The following CMSS1 variants were observed in gnomAD, a reference collection of about 807,000 sequenced individuals.
CMSS1 encodes protein CMSS1.
CMSS1 carries 33 observed loss-of-function variants against 43.5 expected under a neutral mutation model. That is an observed-to-expected ratio of 0.76 (90% CI 0.57 to 1.01). CMSS1 has a LOEUF of 1.01. Among genes scored for constraint, CMSS1 ranks in the 50% least tolerant of loss-of-function variants. The probability of loss-of-function intolerance (pLI) is 0.00; values close to 1 mark genes in which losing one functional copy is unlikely to be tolerated. For missense variants in CMSS1, 313 were observed against 326.4 expected (o/e 0.96, Z 0.32); for synonymous variants, 115 against 117.2 (o/e 0.98, Z 0.12).
intron 1 of CMSS1, chr3:99,850,057 A>G (rs966744961): frequency 2.5e-6 from 4 of 1,611,922 alleles, no homozygotes; most frequent in Admixed American, 1.7e-5. Context: ...AGTTTCCTCA[A>G]TTAACTTCTC....
At chr3:99,978,355 T>C (rs994753094) in intron 1 of CMSS1, among the ~76,000 whole-genome samples, 2 of 152,166 alleles carry the variant, frequency 1.3e-5, no homozygotes, top group Non-Finnish European at 2.9e-5. Context: ...GCAGCACTAT[T>C]CACAATAGCC....
intron 1 of CMSS1, among the ~76,000 whole-genome samples, chr3:99,913,981 A>C (rs1221710561): frequency 6.6e-6 from 1 of 152,230 alleles, no homozygotes; most frequent in African/African-American, 2.4e-5. Context: ...GGAAATTTAA[A>C]GAAGTGAGGA....
At chr3:99,889,436 T>A (rs1339190669) in intron 1 of CMSS1, among the ~76,000 whole-genome samples, 1 of 152,112 alleles carries the variant, frequency 6.6e-6, no homozygotes, top group Admixed American at 6.5e-5. Context: ...TTCTGACCTT[T>A]TACTTTCAGC....
intron 1 of CMSS1, chr3:99,850,686 G>A (rs769533562): frequency 6.2e-7 from 1 of 1,614,014 alleles, no homozygotes; most frequent in African/African-American, 1.3e-5. Flanking sequence ...TCTGCCGGCT[G>A]AGTGCTGCCA....
chr3:100,150,358 A>G (rs181052735), intron 2 of CMSS1, among the ~76,000 whole-genome samples: 3 of 152,290 alleles, frequency 2.0e-5, no homozygotes, highest in African/African-American at 7.2e-5. Context: ...TAAAAATGTT[A>G]TGCTATATTT....
At chr3:99,958,366 G>A (rs1285955158) in intron 1 of CMSS1, among the ~76,000 whole-genome samples, 2 of 151,988 alleles carry the variant, frequency 1.3e-5, no homozygotes, top group African/African-American at 4.8e-5. Context: ...GCCATGAAGA[G>A]AGAGAACTAG....
At chr3:99,926,140 CATGTACTTGACTAGAA>C (rs1307894740) in intron 1 of CMSS1, among the ~76,000 whole-genome samples, 2 of 152,216 alleles carry the variant, frequency 1.3e-5, no homozygotes, top group Admixed American at 6.5e-5. Flanking sequence ...TCCTAAAAAG[CATGTACTTGACTAGAA>C]ATGTACTTGA....
intron 8 of CMSS1, among the ~76,000 whole-genome samples, chr3:100,175,087 C>G (rs112856061): frequency 3.9e-4 from 60 of 152,218 alleles, no homozygotes; most frequent in African/African-American, 1.4e-3. Context: ...ATTTGTATAG[C>G]TACACTATTT....
At chr3:99,987,986 C>A (rs1709396020) in intron 1 of CMSS1, among the ~76,000 whole-genome samples, 1 of 152,074 alleles carries the variant, frequency 6.6e-6, no homozygotes. Context: ...TTAAGAATAG[C>A]TCTTTTTTCT....
chr3:100,146,843 C>T, intron 1 of CMSS1, 130 bp from the exon 2 acceptor site: 3 of 1,173,270 alleles, frequency 2.6e-6, no homozygotes, highest in Non-Finnish European at 3.5e-6. Flanking sequence ...TGGACCATTT[C>T]CTTAAGTGCA....
chr3:100,013,306 C>T (rs528462227), intron 1 of CMSS1, among the ~76,000 whole-genome samples: 1 of 152,004 alleles, frequency 6.6e-6, no homozygotes, highest in East Asian at 1.9e-4. Context: ...TGCAGTGGTG[C>T]GATCTCAGCT....
At chr3:100,105,981 T>C (rs1203922305) in intron 1 of CMSS1, among the ~76,000 whole-genome samples, 2 of 152,160 alleles carry the variant, frequency 1.3e-5, no homozygotes, top group African/African-American at 4.8e-5. Flanking sequence ...CACCATCAGA[T>C]GGTGTGGACA....
intron 1 of CMSS1, among the ~76,000 whole-genome samples, chr3:99,992,976 G>A (rs1388490851): frequency 6.6e-6 from 1 of 151,836 alleles, no homozygotes; most frequent in Non-Finnish European, 1.5e-5. Context: ...TTGGTTGTAG[G>A]TATGCGGCCG....
At position 99,876,105 on chromosome 3, in the gene CMSS1, G is replaced by T. The variant is rs181840294; in HGVS notation, c.64+58062G>T. 1,117 of 986,484 alleles carry T rather than the reference G, an allele frequency of 1.1e-3. 13 individuals carry two copies. In the African/African-American group the frequency reaches 0.018, roughly 16 times the overall value. 61.1% of individuals were successfully genotyped at this position (986,484 alleles called of 1,614,324 possible). A position where few individuals can be genotyped will look rare whatever the true frequency, so the allele number is the denominator to read the frequency against. ...CCTGCGCCGGGGCCGGGCGGGGGCCGGGCCGGGGCCGCTGTAGTGCCGCGC... is the reference window on the plus strand; with the variant it reads ...CCTGCGCCGGGGCCGGGCGGGGGCCTGGCCGGGGCCGCTGTAGTGCCGCGC... On this transcript the variant is annotated intron_variant, in intron 1 of 9. Coordinates refer to ENST00000421999, the MANE Select transcript of CMSS1 (RefSeq NM_032359.4).
chr3:100,173,713 G>C (rs758826688), intron 8 of CMSS1, among the ~76,000 whole-genome samples: 10 of 152,144 alleles, frequency 6.6e-5, no homozygotes, highest in Non-Finnish European at 1.3e-4. Flanking sequence ...TCATGAATGG[G>C]AGAACAGCCC....
chr3:99,828,004 C>A (rs1381989222), intron 1 of CMSS1, among the ~76,000 whole-genome samples: 1 of 152,200 alleles, frequency 6.6e-6, no homozygotes, highest in Non-Finnish European at 1.5e-5. Context: ...TTTAGGAAGT[C>A]TCCTGACATG....
At chr3:100,012,901 G>A (rs1298411228) in intron 1 of CMSS1, among the ~76,000 whole-genome samples, 2 of 151,300 alleles carry the variant, frequency 1.3e-5, no homozygotes, top group East Asian at 3.9e-4. Context: ...AGCCTCCTAA[G>A]TAGCTAGGAT....
intron 1 of CMSS1, among the ~76,000 whole-genome samples, chr3:99,823,042 C>T (rs562089602): frequency 2.0e-5 from 3 of 152,124 alleles, no homozygotes; most frequent in Non-Finnish European, 4.4e-5. Flanking sequence ...GCTTATATTT[C>T]GCATTCTCAT....
chr3:99,930,698 C>A, intron 1 of CMSS1: 1 of 1,522,822 alleles, frequency 6.6e-7, no homozygotes. Flanking sequence ...ATTTCTGTGG[C>A]AGCAGGAACA....
Sources: gnomAD v4.1 joint callset for allele counts (sites outside exome capture counted in the v4.1 genomes callset) on GRCh38, gnomAD v4.1.1 for gene constraint, MANE v1.5 for transcripts, NCBI Gene and HGNC (gene_info 2026-07-23, HGNC 2026-07-21) for gene names.